The following POU2AF1 variants were observed in gnomAD, a reference collection of about 807,000 sequenced individuals.
POU2AF1 encodes POU domain class 2-associating factor 1.
A neutral mutation model predicts 26.3 loss-of-function variants in POU2AF1; 12 were observed. The observed-to-expected ratio is 0.46, with a 90% CI of 0.29 to 0.74. The LOEUF (loss-of-function observed/expected upper bound fraction) is 0.74. POU2AF1 is among the 30% of genes least tolerant of loss of function. The pLI is 0.09. For synonymous variants in POU2AF1, 175 were observed against 148.0 expected (o/e 1.18, Z -1.32); for missense variants, 297 against 334.5 (o/e 0.89, Z 0.87).
At chr11:111,357,917 C>G in intron 2 of POU2AF1, 80 bp from the exon 3 acceptor site, 1 of 1,396,822 alleles carries the variant, frequency 7.2e-7, no homozygotes, top group Non-Finnish European at 9.6e-7. Context: ...CCCAGAGGGC[C>G]TCAGGGCAGG....
chr11:111,373,619 A>T (rs1021862999), intron 1 of POU2AF1, among the ~76,000 whole-genome samples: 2 of 152,242 alleles, frequency 1.3e-5, no homozygotes, highest in African/African-American at 4.8e-5. Flanking sequence ...AATCTCCAGG[A>T]AAATTAGCCA....
At chr11:111,354,716 T>C (rs945834451) in intron 4 of POU2AF1, 141 bp from the exon 5 acceptor site, 35 of 758,326 alleles carry the variant, frequency 4.6e-5, no homozygotes, top group Non-Finnish European at 6.5e-5. Flanking sequence ...CACCTCCTCC[T>C]GCTCAAAGTC....
rs1381874684 is a variant in POU2AF1, at chr11:111,352,295, G to C, written c.*1966C>G. On this transcript the variant is annotated 3_prime_UTR_variant, in exon 5 of 5. Transcript: ENST00000393067. ...TATTTAAAGTGGGCAAAGAAAATAT[G>C]TCAAAGAAACTGTCATTTCCCAGAA... 1.7e-5 allele frequency: 3 copies of C among 179,986 alleles called. No homozygotes were observed. Among genetic ancestry groups the C allele is most frequent in the Non-Finnish European group, 3.6e-5 (3 of 84,110 alleles). 11.1% of individuals were successfully genotyped at this position (179,986 alleles called of 1,614,324 possible). A position where few individuals can be genotyped will look rare whatever the true frequency, so the allele number is the denominator to read the frequency against.
At chr11:111,373,129 G>A (rs932452195) in intron 1 of POU2AF1, among the ~76,000 whole-genome samples, 5 of 152,190 alleles carry the variant, frequency 3.3e-5, no homozygotes, top group East Asian at 1.9e-4. Flanking sequence ...TTAAATCTAC[G>A]TTATTTCAGG....
At position 111,353,091 on chromosome 11, in the gene POU2AF1, G is replaced by A. The variant is rs2135100783; in HGVS notation, c.*1170C>T. The A allele has an allele frequency of 4.4e-6, 1 of 227,176 alleles. No homozygotes were observed. The highest frequency in any genetic ancestry group is 2.2e-5 in the African/African-American group (1 of 45,004). The allele number at this position is 227,176 out of a possible 1,614,324, so 14.1% of individuals were successfully genotyped here. On this transcript the variant is annotated 3_prime_UTR_variant, in exon 5 of 5. Coordinates refer to ENST00000393067, the MANE Select transcript of POU2AF1 (RefSeq NM_006235.3). The stretch of plus-strand genomic sequence containing the variant: ...ACCCACATGGTAGCACTAAGCCTAG[G>A]CGAGGACCCATCACCTTTAGGCTTA...
chr11:111,370,989 C>T (rs555733591), intron 1 of POU2AF1, among the ~76,000 whole-genome samples: 1 of 152,222 alleles, frequency 6.6e-6, no homozygotes, highest in East Asian at 1.9e-4. Flanking sequence ...GGTTGATTTT[C>T]CTTCTATACC....
In POU2AF1 at chr11:111,353,040, A is replaced by G. The variant is rs903547864; in HGVS notation, c.*1221T>C. 7.9e-5 allele frequency: 14 copies of G among 176,926 alleles called. No individual in the cohort carries two copies. The highest frequency in any genetic ancestry group is 1.4e-4 in the Non-Finnish European group (13 of 94,370). 11.0% of individuals were successfully genotyped at this position (176,926 alleles called of 1,614,324 possible). On this transcript the variant is annotated 3_prime_UTR_variant, in exon 5 of 5. Transcript: ENST00000393067. ...AAGGAAGGAAGGAAGGAAGGAAGGA[A>G]GGAAGGAAGGAAGGAAAGAAACAAA... is the stretch of plus-strand genomic sequence containing the variant.
At chr11:111,361,473 A>G (rs1861007194) in intron 1 of POU2AF1, among the ~76,000 whole-genome samples, 1 of 152,256 alleles carries the variant, frequency 6.6e-6, no homozygotes, top group South Asian at 2.1e-4. Flanking sequence ...TAAAACGGGA[A>G]TAATAATTCT....
At position 111,369,185 on chromosome 11, in the gene POU2AF1, G is replaced by A. The variant is rs17112683; in HGVS notation, c.16+9977C>T. Among the ~76,000 whole-genome samples, 830 of 152,274 alleles carry A rather than the reference G, an allele frequency of 5.5e-3. 15 individuals carry two copies. The highest frequency in any genetic ancestry group is 0.049 in the East Asian group (254 of 5,182). ...GGGGCTGGTAAAAGACTTCGCTTTC[G>A]TACAGCAATCCTAGACAGGAGACGC... is the stretch of plus-strand genomic sequence containing the variant. On this transcript the variant is annotated intron_variant, in intron 1 of 4. Transcript: ENST00000393067.
intron 1 of POU2AF1, among the ~76,000 whole-genome samples, chr11:111,365,310 G>C (rs1297763152): frequency 6.6e-6 from 1 of 152,186 alleles, no homozygotes; most frequent in Non-Finnish European, 1.5e-5. Context: ...TGGAGAAAGG[G>C]AGTGGTTGTT....
chr11:111,375,656 C>T (rs1272111678), intron 1 of POU2AF1, among the ~76,000 whole-genome samples: 14 of 152,172 alleles, frequency 9.2e-5, no homozygotes, highest in Non-Finnish European at 1.5e-5. Context: ...GCCTTGGCCT[C>T]CCAAAGTGCT....
At position 111,357,483 on chromosome 11, in the gene POU2AF1, A is replaced by G. The variant is rs369673710; in HGVS notation, c.418T>C (p.Leu140=). ...SYTVVGPSSV[L]TYASPPLITN... ...ATGAGTGGCGGAGAGGCATAGGTCA[A>G]CACTGAGGAGGGCCCCACCACCGTG... Residue 140 remains leucine (L), a synonymous_variant, in exon 4 of 5, where the codon TTG becomes CTG. Coordinates refer to ENST00000393067, the MANE Select transcript of POU2AF1 (RefSeq NM_006235.3). 9 of 1,614,044 alleles carry G rather than the reference A, an allele frequency of 5.6e-6. No homozygotes were observed. Among genetic ancestry groups the G allele is most frequent in the African/African-American group, 1.3e-5 (1 of 74,916 alleles).
chr11:111,358,127 C>A (rs565536859), intron 2 of POU2AF1, among the ~76,000 whole-genome samples: 1 of 152,260 alleles, frequency 6.6e-6, no homozygotes, highest in Middle Eastern at 3.4e-3. Flanking sequence ...CAGGCCTTGA[C>A]AGTAGCTGTG....
intron 1 of POU2AF1, among the ~76,000 whole-genome samples, chr11:111,369,309 G>GTT (rs1861164295): frequency 6.6e-6 from 1 of 152,216 alleles, no homozygotes; most frequent in Admixed American, 6.5e-5. Context: ...GCAGATGTGA[G>GTT]TTTTTAAAGT....
intron 1 of POU2AF1, among the ~76,000 whole-genome samples, chr11:111,373,010 G>C (rs977980152): frequency 2.6e-5 from 4 of 152,162 alleles, no homozygotes; most frequent in African/African-American, 7.2e-5. Flanking sequence ...TGGCAGATTA[G>C]AAAGGAAAAA....
At chr11:111,372,051 C>CAGAGAGAG (rs1374875953) in intron 1 of POU2AF1, among the ~76,000 whole-genome samples, 196 of 101,634 alleles carry the variant, frequency 1.9e-3, no homozygotes, top group African/African-American at 2.5e-3. Context: ...CACACACACA[C>CAGAGAGAG]ACACACACAC....
intron 2 of POU2AF1, among the ~76,000 whole-genome samples, chr11:111,358,402 A>G (rs376314637): frequency 7.0e-4 from 28 of 39,996 alleles, no homozygotes; most frequent in African/African-American, 2.1e-3. Flanking sequence ...CCTCACACAC[A>G]TACTCTCTCA....
chr11:111,363,906 T>C, intron 1 of POU2AF1: 1 of 985,404 alleles, frequency 1.0e-6, no homozygotes, highest in Non-Finnish European at 1.2e-6. Context: ...GGAAAATCTT[T>C]CCACCTTAGC....
At chr11:111,360,998 C>A (rs1371361159) in intron 1 of POU2AF1, among the ~76,000 whole-genome samples, 1 of 151,550 alleles carries the variant, frequency 6.6e-6, no homozygotes, top group Non-Finnish European at 1.5e-5. Context: ...GGGATTACAA[C>A]TGCTGATAAT....
Sources: allele counts gnomAD v4.1 joint callset (sites outside exome capture counted in the v4.1 genomes callset), GRCh38; gene constraint gnomAD v4.1.1; transcripts MANE v1.5; gene names NCBI Gene and HGNC (gene_info 2026-07-23, HGNC 2026-07-21).